The following CDH12 variants were observed in gnomAD, a reference collection of about 807,000 sequenced individuals.
CDH12 encodes the protein cadherin 12.
In CDH12, 41 loss-of-function variants were observed where a neutral mutation model predicts 74.1. The ratio of observed to expected loss-of-function variants is 0.55; its 90% CI spans 0.43 to 0.72. The LOEUF (loss-of-function observed/expected upper bound fraction) is 0.72. Among genes scored for constraint, CDH12 ranks in the 30% least tolerant of loss-of-function variants. CDH12 has a pLI of 0.00. For synonymous variants in CDH12, 399 were observed against 355.0 expected, an observed-to-expected ratio of 1.12 and a Z score of -1.39; for missense variants, 945 against 977.2, an observed-to-expected ratio of 0.97 and a Z score of 0.44.
chr5:22,571,647 T>G (rs1408107460), intron 1 of CDH12, among the ~76,000 whole-genome samples: 4 of 152,186 alleles, frequency 2.6e-5, no homozygotes, highest in Non-Finnish European at 5.9e-5. Flanking sequence ...ACTTTTCATT[T>G]AAAGTGAGAG....
intron 1 of CDH12, among the ~76,000 whole-genome samples, chr5:22,771,857 C>T (rs1203821062): frequency 6.6e-6 from 1 of 152,070 alleles, no homozygotes; most frequent in Non-Finnish European, 1.5e-5. Context: ...GACTTTTGAC[C>T]TGCCAACCTT....
chr5:22,341,840 T>C (rs769921097), intron 3 of CDH12, among the ~76,000 whole-genome samples: 1 of 152,126 alleles, frequency 6.6e-6, no homozygotes, highest in Non-Finnish European at 1.5e-5. Context: ...CTTTCATTCC[T>C]AGAAATTTTT....
In CDH12 at chr5:22,486,643, G is replaced by A. The variant is rs1027310736; in HGVS notation, c.-428+18627C>T. On this transcript the variant is annotated intron_variant, in intron 2 of 14. Coordinates refer to ENST00000382254, the MANE Select transcript of CDH12 (RefSeq NM_004061.5). ...ATTTTTTTGTATTTTTGGTAGAGAT[G>A]GGGTTTCTCCATATTGGTCAGGCTG... 4.6e-5 allele frequency among the ~76,000 whole-genome samples: 7 copies of A among 151,772 alleles called. No individual in the cohort carries two copies. The South Asian group carries it at 8.3e-4, about 18-fold the overall frequency.
At chr5:22,208,178 A>G (rs1347999952) in intron 4 of CDH12, among the ~76,000 whole-genome samples, 3 of 152,220 alleles carry the variant, frequency 2.0e-5, no homozygotes, top group African/African-American at 7.2e-5. Context: ...TACCAGAACT[A>G]TGAACATGTA....
At chr5:21,907,093 T>C (rs1463792554) in intron 6 of CDH12, among the ~76,000 whole-genome samples, 1 of 152,194 alleles carries the variant, frequency 6.6e-6, no homozygotes, top group African/African-American at 2.4e-5. Flanking sequence ...TGCAATACTG[T>C]TATGTGCCGG....
At chr5:22,254,136 T>C (rs1753227412) in intron 3 of CDH12, among the ~76,000 whole-genome samples, 1 of 151,868 alleles carries the variant, frequency 6.6e-6, no homozygotes, top group Non-Finnish European at 1.5e-5. Context: ...CTCTTTAATG[T>C]AACCTGATAG....
chr5:22,524,893 G>A (rs1411476979), intron 1 of CDH12, among the ~76,000 whole-genome samples: 2 of 151,720 alleles, frequency 1.3e-5, no homozygotes, highest in Non-Finnish European at 2.9e-5. Context: ...CATGTGCCAT[G>A]TTGGTGTGCT....
intron 1 of CDH12, among the ~76,000 whole-genome samples, chr5:22,560,118 GA>G (rs1303097438): frequency 1.4e-4 from 22 of 152,116 alleles, no homozygotes; most frequent in Non-Finnish European, 1.8e-4. Context: ...TATTTTTGAT[GA>G]AGATGTCTTT....
At chr5:22,268,969 C>T (rs1455577131) in intron 3 of CDH12, among the ~76,000 whole-genome samples, 2 of 151,934 alleles carry the variant, frequency 1.3e-5, no homozygotes, top group Non-Finnish European at 2.9e-5. Flanking sequence ...GATCATCAGC[C>T]CTGAAGCATC....
At chr5:22,077,911 CT>C (rs1484329163) in intron 5 of CDH12, among the ~76,000 whole-genome samples, 3 of 151,988 alleles carry the variant, frequency 2.0e-5, no homozygotes, top group Non-Finnish European at 2.9e-5. Context: ...ATTTATAAAG[CT>C]TAAGCAAGCC....
chr5:22,565,575 C>T (rs1333515616), intron 1 of CDH12, among the ~76,000 whole-genome samples: 5 of 152,152 alleles, frequency 3.3e-5, no homozygotes, highest in East Asian at 3.9e-4. Context: ...ACATATGCAA[C>T]CTTTCTTTGC....
intron 6 of CDH12, among the ~76,000 whole-genome samples, chr5:21,964,217 G>A (rs1485609337): frequency 2.0e-5 from 3 of 152,026 alleles, no homozygotes; most frequent in Non-Finnish European, 4.4e-5. Context: ...AATCCCCACA[G>A]GAGAAAAATG....
intron 1 of CDH12, among the ~76,000 whole-genome samples, chr5:22,719,342 A>C (rs1400933597): frequency 6.6e-6 from 1 of 152,230 alleles, no homozygotes; most frequent in Non-Finnish European, 1.5e-5. Flanking sequence ...ATATAACTAG[A>C]TTGATCTAAT....
intron 1 of CDH12, among the ~76,000 whole-genome samples, chr5:22,747,087 C>T (rs1255289228): frequency 6.6e-6 from 1 of 152,200 alleles, no homozygotes; most frequent in East Asian, 1.9e-4. Context: ...GCTTCTAGAT[C>T]TTGAAAGTGA....
intron 1 of CDH12, among the ~76,000 whole-genome samples, chr5:22,705,132 C>T (rs73742179): frequency 0.11 from 4,691 of 44,270 alleles, 142 homozygotes; most frequent in South Asian, 0.26. Flanking sequence ...TATATATATA[C>T]ACACACACAC....
At chr5:22,100,539 A>G (rs1485953273) in intron 4 of CDH12, among the ~76,000 whole-genome samples, 2 of 151,996 alleles carry the variant, frequency 1.3e-5, no homozygotes, top group Non-Finnish European at 2.9e-5. Flanking sequence ...TTAACTCTTG[A>G]TGTGTCTAAT....
intron 3 of CDH12, among the ~76,000 whole-genome samples, chr5:22,277,461 A>T (rs72742074): frequency 0.094 from 14,264 of 152,188 alleles, 700 homozygotes; most frequent in South Asian, 0.16. Context: ...CACTCTGCCC[A>T]GAGATATCTT....
At chr5:21,933,085 T>C (rs192951582) in intron 6 of CDH12, among the ~76,000 whole-genome samples, 1 of 151,988 alleles carries the variant, frequency 6.6e-6, no homozygotes, top group East Asian at 1.9e-4. Context: ...ATCTCATACA[T>C]AACAAGTGGA....
intron 1 of CDH12, among the ~76,000 whole-genome samples, chr5:22,717,701 A>C (rs1019673434): frequency 6.6e-6 from 1 of 152,146 alleles, no homozygotes; most frequent in South Asian, 2.1e-4. Flanking sequence ...ACTATGTAGT[A>C]AGGTGTGTGT....
Sources: gnomAD v4.1 joint callset for allele counts (sites outside exome capture counted in the v4.1 genomes callset) on GRCh38, gnomAD v4.1.1 for gene constraint, MANE v1.5 for transcripts, NCBI Gene and HGNC (gene_info 2026-07-23, HGNC 2026-07-21) for gene names.